The following MACROD2 variants were observed in gnomAD, a reference collection of about 807,000 sequenced individuals.
MACROD2 encodes the protein mono-ADP ribosylhydrolase 2.
MACROD2 carries 36 observed loss-of-function variants against 70.4 expected under a neutral mutation model. The observed-to-expected ratio is 0.51, with a 90% CI of 0.39 to 0.68. The LOEUF (loss-of-function observed/expected upper bound fraction) is 0.68. Among genes scored for constraint, MACROD2 ranks in the 30% least tolerant of loss-of-function variants. MACROD2 has a pLI of 0.00. For synonymous variants in MACROD2, 172 were observed against 178.8 expected, an observed-to-expected ratio of 0.96 and a Z score of 0.30; for missense variants, 496 against 538.4, an observed-to-expected ratio of 0.92 and a Z score of 0.78.
chr20:15,505,972 A>T (rs551333512), intron 8 of MACROD2, among the ~76,000 whole-genome samples: 1 of 152,100 alleles, frequency 6.6e-6, no homozygotes, highest in Non-Finnish European at 1.5e-5. Flanking sequence ...CTTCGGAGGG[A>T]AACACAACAC....
At chr20:14,526,766 C>CA (rs1295634209) in intron 4 of MACROD2, among the ~76,000 whole-genome samples, 1 of 152,198 alleles carries the variant, frequency 6.6e-6, no homozygotes, top group Non-Finnish European at 1.5e-5. Context: ...TACAAACTGA[C>CA]AGGCTGTGGG....
chr20:14,275,203 A>C (rs1324494947), intron 3 of MACROD2, among the ~76,000 whole-genome samples: 1 of 152,194 alleles, frequency 6.6e-6, no homozygotes, highest in Non-Finnish European at 1.5e-5. Flanking sequence ...ACAAAGCTGG[A>C]GGCATCATGC....
At chr20:14,890,387 C>T (rs946678349) in intron 5 of MACROD2, among the ~76,000 whole-genome samples, 2 of 151,858 alleles carry the variant, frequency 1.3e-5, no homozygotes, top group African/African-American at 4.8e-5. Context: ...GAAGATATGA[C>T]CAGTGATGGA....
At chr20:15,219,126 T>C (rs1441904590) in intron 5 of MACROD2, among the ~76,000 whole-genome samples, 1 of 152,198 alleles carries the variant, frequency 6.6e-6, no homozygotes, top group African/African-American at 2.4e-5. Flanking sequence ...CAAATGATTC[T>C]CCCTATGGAG....
chr20:15,520,610 T>C (rs931989042), intron 8 of MACROD2, among the ~76,000 whole-genome samples: 2 of 152,194 alleles, frequency 1.3e-5, no homozygotes, highest in African/African-American at 4.8e-5. Flanking sequence ...CCATGACAAT[T>C]AATCCTGTGG....
At chr20:15,809,102 A>G (rs1270295515) in intron 8 of MACROD2, among the ~76,000 whole-genome samples, 1 of 152,212 alleles carries the variant, frequency 6.6e-6, no homozygotes, top group Non-Finnish European at 1.5e-5. Context: ...TCTATGTAGC[A>G]GTCATCATGA....
At chr20:14,246,280 G>A (rs1423639067) in intron 3 of MACROD2, among the ~76,000 whole-genome samples, 1 of 152,142 alleles carries the variant, frequency 6.6e-6, no homozygotes, top group African/African-American at 2.4e-5. Flanking sequence ...GGACAATCAG[G>A]ATATCATCAT....
intron 4 of MACROD2, among the ~76,000 whole-genome samples, chr20:14,522,827 A>G (rs1412038047): frequency 2.6e-5 from 4 of 152,196 alleles, no homozygotes; most frequent in Non-Finnish European, 4.4e-5. Flanking sequence ...TCCCAACTCT[A>G]GAATATAAAT....
intron 6 of MACROD2, among the ~76,000 whole-genome samples, chr20:15,423,109 A>C (rs959366976): frequency 1.3e-5 from 2 of 152,192 alleles, no homozygotes; most frequent in African/African-American, 4.8e-5. Flanking sequence ...TAGTTATATC[A>C]TTGCCATTAC....
At chr20:16,013,891 T>C (rs1265554732) in intron 15 of MACROD2, among the ~76,000 whole-genome samples, 1 of 152,230 alleles carries the variant, frequency 6.6e-6, no homozygotes, top group Non-Finnish European at 1.5e-5. Context: ...TGAGAATATC[T>C]GTTGAGATAG....
intron 4 of MACROD2, among the ~76,000 whole-genome samples, chr20:14,585,409 G>A (rs1012858139): frequency 4.6e-5 from 7 of 152,122 alleles, no homozygotes; most frequent in Non-Finnish European, 1.0e-4. Context: ...TGTAAACTAT[G>A]AGAGTAGGTT....
chr20:14,075,308 A>C (rs888573699), intron 2 of MACROD2, among the ~76,000 whole-genome samples: 1 of 152,228 alleles, frequency 6.6e-6, no homozygotes, highest in Admixed American at 6.5e-5. Flanking sequence ...ACAAATGCTT[A>C]GTTACCGTGG....
intron 3 of MACROD2, among the ~76,000 whole-genome samples, chr20:14,248,281 A>G (rs1444342315): frequency 6.6e-6 from 1 of 152,186 alleles, no homozygotes; most frequent in Non-Finnish European, 1.5e-5. Flanking sequence ...CTCATGCACA[A>G]AATTATTTAA....
At chr20:14,361,074 C>T (rs968155502) in intron 3 of MACROD2, among the ~76,000 whole-genome samples, 19 of 152,028 alleles carry the variant, frequency 1.2e-4, no homozygotes, top group Non-Finnish European at 2.2e-4. Flanking sequence ...TTTTAGTTTT[C>T]GGTGATAATC....
At chr20:15,227,317 GC>G (rs2076915562) in intron 5 of MACROD2, among the ~76,000 whole-genome samples, 2 of 151,964 alleles carry the variant, frequency 1.3e-5, no homozygotes, top group African/African-American at 2.4e-5. Flanking sequence ...ACACTTATGG[GC>G]TTTTCTCTCT....
rs1339589568 is a variant in MACROD2 at position 14,375,181 on chromosome 20, C to G, written c.272-118298C>G. On this transcript the variant is annotated intron_variant, in intron 3 of 17. Coordinates refer to ENST00000684519, the MANE Select transcript of MACROD2 (RefSeq NM_001351661.2). ...TGTTATTTTTTACAAATAAAAAATACTCTATAGATAAATTTTAATCAAAAA... is the reference window on the plus strand; with the variant it reads ...TGTTATTTTTTACAAATAAAAAATAGTCTATAGATAAATTTTAATCAAAAA... 2.2e-4 allele frequency among the ~76,000 whole-genome samples: 33 copies of G among 151,954 alleles called. 1 individual carries two copies. Among genetic ancestry groups the G allele is most frequent in the Admixed American group, 2.2e-3 (33 of 15,234 alleles).
chr20:14,291,703 A>T (rs2082387837), intron 3 of MACROD2, among the ~76,000 whole-genome samples: 1 of 151,934 alleles, frequency 6.6e-6, no homozygotes, highest in African/African-American at 2.4e-5. Context: ...CCCTGTTAAC[A>T]TTCCACATGT....
chr20:14,715,768 T>C (rs1299635182), intron 5 of MACROD2, among the ~76,000 whole-genome samples: 1 of 152,156 alleles, frequency 6.6e-6, no homozygotes. Flanking sequence ...AGGTTGATTG[T>C]AGTTTTTAAG....
intron 10 of MACROD2, among the ~76,000 whole-genome samples, chr20:15,930,225 T>C (rs1297106333): frequency 6.6e-6 from 1 of 152,184 alleles, no homozygotes; most frequent in South Asian, 2.1e-4. Flanking sequence ...CCTGTGACGA[T>C]AGCTAGACAG....
Sources: gnomAD v4.1 joint callset for allele counts (sites outside exome capture counted in the v4.1 genomes callset) on GRCh38, gnomAD v4.1.1 for gene constraint, MANE v1.5 for transcripts, NCBI Gene and HGNC (gene_info 2026-07-23, HGNC 2026-07-21) for gene names.